The following TARBP1 variants were observed in gnomAD, a reference collection of about 807,000 sequenced individuals.
The protein encoded by TARBP1 is tRNA (guanosine(18)-2'-O)-methyltransferase TARBP1.
A neutral mutation model predicts 178.6 loss-of-function variants in TARBP1; 144 were observed. That is an observed-to-expected ratio of 0.81 (90% CI 0.70 to 0.93). TARBP1 has a LOEUF of 0.93. TARBP1 is among the 40% of genes least tolerant of loss of function. TARBP1 has a pLI of 0.00. For synonymous variants in TARBP1, 787 were observed against 781.0 expected (o/e 1.01, Z -0.13); for missense variants, 2,067 against 2,011.7 (o/e 1.03, Z -0.53).
Position 234,469,077 on chromosome 1 carries a change from T to TAAA in TARBP1, c.1100-1430_1100-1428dup, listed in dbSNP as rs1327979551. On this transcript the variant is annotated intron_variant, in intron 3 of 29. Coordinates refer to ENST00000040877, the MANE Select transcript of TARBP1 (RefSeq NM_005646.4). ...GTTTTTGCCTTTTTTTTTTTTTTTTTAAAAAAAAAAAAAAGGCAAAAACCG... is the reference window on the plus strand; with the variant it reads ...GTTTTTGCCTTTTTTTTTTTTTTTTTAAAAAAAAAAAAAAAAAGGCAAAAACCG... 8.5e-4 allele frequency among the ~76,000 whole-genome samples: 54 copies of TAAA among 63,760 alleles called. 1 individual carries two copies. The highest frequency in any genetic ancestry group is 2.1e-3 in the South Asian group (3 of 1,402). The allele number at this position is 63,760 out of a possible 152,430, so 41.8% of individuals were successfully genotyped here.
intron 5 of TARBP1, among the ~76,000 whole-genome samples, chr1:234,465,001 G>A (rs926840081): frequency 1.3e-5 from 2 of 152,166 alleles, no homozygotes; most frequent in African/African-American, 4.8e-5. Context: ...AATGAACCTT[G>A]CAGTACTGAA....
intron 9 of TARBP1, among the ~76,000 whole-genome samples, chr1:234,457,082 G>C (rs566440800): frequency 1.3e-5 from 2 of 152,290 alleles, no homozygotes; most frequent in East Asian, 3.9e-4. Flanking sequence ...TGAGGAAAAG[G>C]GTGGCACAGT....
At chr1:234,427,433 G>GA (rs767343382) in intron 18 of TARBP1, 45 bp from the exon 19 acceptor site, 16 of 1,520,536 alleles carry the variant, frequency 1.1e-5, no homozygotes, top group South Asian at 7.4e-5. Flanking sequence ...GTTTTAAATA[G>GA]AAAAAAAATT....
At chr1:234,396,850 A>G (rs1325377872) in intron 26 of TARBP1, among the ~76,000 whole-genome samples, 1 of 151,976 alleles carries the variant, frequency 6.6e-6, no homozygotes, top group Admixed American at 6.6e-5. Context: ...AGACATGGAA[A>G]GTTTGGAGAA....
At chr1:234,392,713 CTTTTTT>C in intron 28 of TARBP1, 161 bp from the exon 29 acceptor site, 1 of 340,732 alleles carries the variant, frequency 2.9e-6, no homozygotes, top group Non-Finnish European at 5.0e-6. Flanking sequence ...ACATCAATTT[CTTTTTT>C]TTTTTTTTTG....
At chr1:234,472,075 G>T (rs1375067943) in intron 2 of TARBP1, among the ~76,000 whole-genome samples, 1 of 152,078 alleles carries the variant, frequency 6.6e-6, no homozygotes, top group Non-Finnish European at 1.5e-5. Context: ...GGTGGCTCAC[G>T]CCTGTAATCC....
In TARBP1 at chr1:234,460,372, C is replaced by T. The variant is rs374015042; in HGVS notation, c.1424G>A (p.Arg475Gln). Reference sequence around the variant, plus strand: ...ACACCAATGCCTACTTGTCATCTTCCGAATAAACTTCAATAGGAAGCTACC... The same window carrying T: ...ACACCAATGCCTACTTGTCATCTTCTGAATAAACTTCAATAGGAAGCTACC... ...IKSSFLLKFI[R>Q]KMTSRHWCAV... Residue 475 changes from arginine (R) to glutamine (Q), a missense_variant, in exon 7 of 30, where the codon CGG becomes CAG. Arg to Gln is a conservative substitution (Grantham distance 43). Coordinates refer to ENST00000040877, the MANE Select transcript of TARBP1 (RefSeq NM_005646.4). The T allele has an allele frequency of 1.7e-5, 28 of 1,613,854 alleles. No homozygotes were observed. Among genetic ancestry groups the T allele is most frequent in the Middle Eastern group, 1.6e-4 (1 of 6,084 alleles).
chr1:234,432,269 C>A (rs1664518914), intron 14 of TARBP1, among the ~76,000 whole-genome samples: 1 of 151,702 alleles, frequency 6.6e-6, no homozygotes, highest in African/African-American at 2.4e-5. Flanking sequence ...TGGCAAAACC[C>A]CAACTCTACT....
chr1:234,460,506 T>G lies in TARBP1; in HGVS notation c.1400-110A>C, dbSNP rs748387189. ...AGTCAAAACCATAGTAAGGCTCCAC[T>G]TCCCACACACTATGATGGCTATAAT... On this transcript the variant is annotated intron_variant, in intron 6 of 29. Transcript: ENST00000040877. The G allele has an allele frequency of 6.4e-6, 7 of 1,097,578 alleles. No individual in the cohort carries two copies. The Admixed American group carries it at 7.0e-5, about 11-fold the overall frequency. 68.0% of individuals were successfully genotyped at this position (1,097,578 alleles called of 1,614,324 possible).
At chr1:234,476,759 C>T (rs1321154059) in intron 1 of TARBP1, among the ~76,000 whole-genome samples, 1 of 152,128 alleles carries the variant, frequency 6.6e-6, no homozygotes, top group Non-Finnish European at 1.5e-5. Context: ...TATGATATAA[C>T]TAAGATATAC....
chr1:234,404,304 T>C (rs1660997226), intron 24 of TARBP1, among the ~76,000 whole-genome samples: 2 of 152,168 alleles, frequency 1.3e-5, no homozygotes, highest in Admixed American at 6.6e-5. Context: ...GGGGTAACTA[T>C]ACCCTCTGTC....
At position 234,478,857 on chromosome 1, in the gene TARBP1, C is replaced by T; in HGVS notation, c.247G>A (p.Gly83Ser). 7.9e-7 allele frequency: 1 copy of T among 1,265,162 alleles called. No individual in the cohort carries two copies. The allele number at this position is 1,265,162 out of a possible 1,614,324, so 78.4% of individuals were successfully genotyped here. ...LRSLRGRPAG[G>S]PDPSLQPRHR... Reference sequence around the variant, plus strand: ...CGAGGCTGCAGACTGGGGTCCGGGCCGCCCGCGGGGCGTCCGCGCAGGCTC... The same window carrying T: ...CGAGGCTGCAGACTGGGGTCCGGGCTGCCCGCGGGGCGTCCGCGCAGGCTC... Residue 83 changes from glycine (G) to serine (S), a missense_variant, in exon 1 of 30, where the codon GGC becomes AGC. Coordinates refer to ENST00000040877, the MANE Select transcript of TARBP1 (RefSeq NM_005646.4).
At chr1:234,412,748 A>C (rs1019954525) in intron 22 of TARBP1, among the ~76,000 whole-genome samples, 8 of 152,240 alleles carry the variant, frequency 5.3e-5, no homozygotes, top group African/African-American at 1.9e-4. Context: ...TAAAGGGCAC[A>C]ACATGTGCAA....
At chr1:234,423,201 G>A (rs967003289) in intron 20 of TARBP1, among the ~76,000 whole-genome samples, 23 of 152,152 alleles carry the variant, frequency 1.5e-4, no homozygotes, top group African/African-American at 5.6e-4. Flanking sequence ...TGATGCAGGA[G>A]GGCTCCAATT....
intron 8 of TARBP1, among the ~76,000 whole-genome samples, chr1:234,458,936 T>G (rs1004308791): frequency 1.3e-5 from 2 of 152,140 alleles, no homozygotes; most frequent in African/African-American, 4.8e-5. Context: ...AATTCCAGAC[T>G]CTCAGAAAGA....
intron 1 of TARBP1, among the ~76,000 whole-genome samples, chr1:234,473,549 AGAATGCTGGC>A (rs1473764853): frequency 6.6e-6 from 1 of 152,220 alleles, no homozygotes; most frequent in East Asian, 1.9e-4. Flanking sequence ...CTCAGGTCCT[AGAATGCTGGC>A]CAGGCCCTCA....
intron 12 of TARBP1, among the ~76,000 whole-genome samples, chr1:234,441,015 C>G (rs1376924495): frequency 6.6e-6 from 1 of 152,158 alleles, no homozygotes; most frequent in African/African-American, 2.4e-5. Flanking sequence ...AAAACCCCAT[C>G]TCTACTAAAA....
chr1:234,395,700 G>A (rs1406626416), intron 26 of TARBP1, among the ~76,000 whole-genome samples: 1 of 152,168 alleles, frequency 6.6e-6, no homozygotes, highest in Non-Finnish European at 1.5e-5. Flanking sequence ...TTACACAGGC[G>A]GTGGTTTCAA....
chr1:234,452,680 T>C (rs1287036924), intron 9 of TARBP1, among the ~76,000 whole-genome samples: 2 of 152,120 alleles, frequency 1.3e-5, no homozygotes, highest in Admixed American at 6.6e-5. Context: ...AACATAATCT[T>C]ACCACTCAAT....
Sources: gnomAD v4.1 joint callset for allele counts (sites outside exome capture counted in the v4.1 genomes callset) on GRCh38, gnomAD v4.1.1 for gene constraint, MANE v1.5 for transcripts, NCBI Gene and HGNC (gene_info 2026-07-23, HGNC 2026-07-21) for gene names.